BRINP3: variants seen among roughly 807,000 people sequenced by gnomAD.
The protein encoded by BRINP3 is BMP/retinoic acid inducible neural specific 3, also known as BMP/retinoic acid-inducible neural-specific protein 3.
BRINP3 carries 19 observed loss-of-function variants against 71.0 expected under a neutral mutation model. The observed-to-expected ratio is 0.27, with a 90% CI of 0.19 to 0.39. The LOEUF (loss-of-function observed/expected upper bound fraction) is 0.39. Among genes scored for constraint, BRINP3 ranks in the 10% least tolerant of loss-of-function variants. BRINP3 has a pLI of 1.00. For synonymous variants in BRINP3, 380 were observed against 337.7 expected (o/e 1.13, Z -1.37); for missense variants, 959 against 940.8 (o/e 1.02, Z -0.25).
chr1:190,168,579 T>G (rs978862982), intron 6 of BRINP3, among the ~76,000 whole-genome samples: 37 of 152,312 alleles, frequency 2.4e-4, no homozygotes, highest in African/African-American at 8.7e-4. Context: ...AACATTGACT[T>G]CATAAGCTAT....
chr1:190,412,738 A>C (rs1050489180), intron 2 of BRINP3, among the ~76,000 whole-genome samples: 4 of 151,964 alleles, frequency 2.6e-5, no homozygotes, highest in Non-Finnish European at 5.9e-5. Context: ...CTGGGATTAC[A>C]GGCGTGAGTA....
At chr1:190,310,345 T>A (rs1391011112) in intron 2 of BRINP3, among the ~76,000 whole-genome samples, 1 of 151,698 alleles carries the variant, frequency 6.6e-6, no homozygotes, top group African/African-American at 2.4e-5. Context: ...GCATACAGGC[T>A]TTCTGAAAAT....
chr1:190,445,416 A>G (rs1407331819), intron 2 of BRINP3, among the ~76,000 whole-genome samples: 1 of 152,136 alleles, frequency 6.6e-6, no homozygotes, highest in African/African-American at 2.4e-5. Flanking sequence ...CAGCATTGCT[A>G]TTTTATTTTT....
intron 6 of BRINP3, among the ~76,000 whole-genome samples, chr1:190,161,446 T>C (rs1244459366): frequency 1.3e-5 from 2 of 151,788 alleles, no homozygotes; most frequent in Admixed American, 6.6e-5. Context: ...ACCCTAATTA[T>C]AACCGATCTT....
intron 2 of BRINP3, among the ~76,000 whole-genome samples, chr1:190,450,230 G>C (rs1488292259): frequency 6.6e-6 from 1 of 152,184 alleles, no homozygotes; most frequent in Non-Finnish European, 1.5e-5. Context: ...TGAGTAGTTA[G>C]CTGATGGTAA....
chr1:190,146,638 C>T (rs1655913954), intron 7 of BRINP3, among the ~76,000 whole-genome samples: 2 of 152,050 alleles, frequency 1.3e-5, no homozygotes, highest in South Asian at 4.1e-4. Context: ...AGGTAGGAAA[C>T]TGAAGTCAAA....
intron 2 of BRINP3, among the ~76,000 whole-genome samples, chr1:190,397,900 C>T (rs1421142430): frequency 1.3e-5 from 2 of 151,370 alleles, no homozygotes; most frequent in Non-Finnish European, 3.0e-5. Flanking sequence ...GAAAAAATTC[C>T]CTAATCTTTT....
intron 2 of BRINP3, among the ~76,000 whole-genome samples, chr1:190,304,636 A>G (rs1664968699): frequency 6.6e-6 from 1 of 151,938 alleles, no homozygotes; most frequent in Non-Finnish European, 1.5e-5. Flanking sequence ...TGGATCAAAG[A>G]TTTAAATTTA....
chr1:190,141,928 A>T (rs753193584), intron 7 of BRINP3, among the ~76,000 whole-genome samples: 9 of 152,250 alleles, frequency 5.9e-5, no homozygotes, highest in Non-Finnish European at 1.3e-4. Context: ...CAAGTAGTTA[A>T]TGTGAGGATC....
At chr1:190,428,862 G>C (rs1673901211) in intron 2 of BRINP3, among the ~76,000 whole-genome samples, 1 of 151,984 alleles carries the variant, frequency 6.6e-6, no homozygotes, top group African/African-American at 2.4e-5. Context: ...TATTTTCCAA[G>C]TAAATTTTTT....
intron 6 of BRINP3, among the ~76,000 whole-genome samples, chr1:190,203,114 G>A (rs1292431044): frequency 6.6e-6 from 1 of 151,960 alleles, no homozygotes; most frequent in African/African-American, 2.4e-5. Flanking sequence ...GTACCAAGAT[G>A]ATTTCTGTAA....
Position 190,281,754 on chromosome 1 carries a change from A to G in BRINP3, c.237-4T>C. 1 of 1,601,394 alleles carries G rather than the reference A, an allele frequency of 6.2e-7. No individual in the cohort carries two copies. The highest frequency in any genetic ancestry group is 8.5e-7 in the Non-Finnish European group (1 of 1,175,876). Reference sequence around the variant, plus strand: ...TACTTTCCAGCGGCCAAACTCCCTGAAAAGCAAATTTATTTTTATTCATAA... The same window carrying G: ...TACTTTCCAGCGGCCAAACTCCCTGGAAAGCAAATTTATTTTTATTCATAA... On this transcript the variant is annotated splice_region_variant and splice_polypyrimidine_tract_variant and intron_variant, in intron 2 of 7. Transcript: ENST00000367462.
intron 4 of BRINP3, among the ~76,000 whole-genome samples, chr1:190,235,223 G>C (rs568507927): frequency 5.3e-5 from 8 of 152,100 alleles, no homozygotes; most frequent in Non-Finnish European, 1.2e-4. Flanking sequence ...GCAGCACACA[G>C]GTTTAGTACT....
chr1:190,449,106 G>A (rs1675432239), intron 2 of BRINP3, among the ~76,000 whole-genome samples: 1 of 151,816 alleles, frequency 6.6e-6, no homozygotes, highest in African/African-American at 2.4e-5. Context: ...GTTAAATACT[G>A]TCTCTTCCAA....
chr1:190,099,160 T>C (rs911953658), intron 7 of BRINP3, 26 bp from the exon 8 acceptor site: 5 of 1,596,086 alleles, frequency 3.1e-6, no homozygotes, highest in Non-Finnish European at 4.3e-6. Context: ...AGAACGAATC[T>C]ACATAAATAC....
chr1:190,237,877 T>G (rs543944759), intron 4 of BRINP3, among the ~76,000 whole-genome samples: 2 of 152,178 alleles, frequency 1.3e-5, no homozygotes, highest in African/African-American at 4.8e-5. Context: ...AGGCATAATC[T>G]AAGACTTTCC....
Position 190,160,693 on chromosome 1 carries a change from G to C in BRINP3, c.1159C>G (p.Pro387Ala). The C allele has an allele frequency of 6.2e-7, 1 of 1,613,206 alleles. No homozygotes were observed. Among genetic ancestry groups the C allele is most frequent in the Non-Finnish European group, 8.5e-7 (1 of 1,179,578 alleles). ...FSLSKRCHKQ[P>A]LISLPRQRTS... ...CTTTGTCTTGGCAGGCTGATGAGGG[G>C]TTGTTTATGACACCTCTTGCTAAGG... Residue 387 changes from proline (P) to alanine (A), a missense_variant, in exon 7 of 8, where the codon CCC becomes GCC. By Grantham distance (27) the Pro-to-Ala change is conservative. Coordinates refer to ENST00000367462, the MANE Select transcript of BRINP3 (RefSeq NM_199051.3).
chr1:190,350,009 A>G (rs1668271626), intron 2 of BRINP3, among the ~76,000 whole-genome samples: 1 of 152,112 alleles, frequency 6.6e-6, no homozygotes, highest in South Asian at 2.1e-4. Context: ...TTTAGGAATA[A>G]AAGGAGAATA....
At chr1:190,364,789 T>C (rs1669378968) in intron 2 of BRINP3, among the ~76,000 whole-genome samples, 1 of 152,124 alleles carries the variant, frequency 6.6e-6, no homozygotes, top group Non-Finnish European at 1.5e-5. Context: ...TAATAACATT[T>C]ATAATAAAGC....
Sources: allele counts gnomAD v4.1 joint callset (sites outside exome capture counted in the v4.1 genomes callset), GRCh38; gene constraint gnomAD v4.1.1; transcripts MANE v1.5; gene names NCBI Gene and HGNC (gene_info 2026-07-23, HGNC 2026-07-21).